ZNF292: variants seen among roughly 807,000 people sequenced by gnomAD.
ZNF292 encodes zinc finger protein 292.
In ZNF292, 26 loss-of-function variants were observed where a neutral mutation model predicts 217.9. That is an observed-to-expected ratio of 0.12 (90% CI 0.09 to 0.17). ZNF292 has a LOEUF of 0.17. Among genes scored for constraint, ZNF292 ranks in the 10% least tolerant of loss-of-function variants. The pLI is 1.00. For synonymous variants in ZNF292, 1,257 were observed against 1,124.1 expected (o/e 1.12, Z -2.37); for missense variants, 2,904 against 3,175.2 (o/e 0.91, Z 2.05).
At chr6:87,250,944 T>C (rs1327631991) in intron 7 of ZNF292, among the ~76,000 whole-genome samples, 1 of 152,172 alleles carries the variant, frequency 6.6e-6, no homozygotes, top group Admixed American at 6.5e-5. Flanking sequence ...GAATATCCAG[T>C]GAGGGTACAT....
At chr6:87,223,637 G>A (rs887334908) in intron 4 of ZNF292, 1 of 152,078 alleles carries the variant, frequency 6.6e-6, no homozygotes, top group Non-Finnish European at 1.5e-5. Context: ...ATTTATATTA[G>A]TATGGCCTTA....
intron 1 of ZNF292, among the ~76,000 whole-genome samples, chr6:87,204,884 G>T (rs1772200770): frequency 6.6e-6 from 1 of 151,928 alleles, no homozygotes; most frequent in African/African-American, 2.4e-5. Flanking sequence ...TTTTTAAATC[G>T]CTGTGTATGT....
rs1685520193 is a variant in ZNF292 at position 87,155,869 on chromosome 6, C to G, written c.168+110C>G. On this transcript the variant is annotated intron_variant, in intron 1 of 7. Coordinates refer to ENST00000369577, the MANE Select transcript of ZNF292 (RefSeq NM_015021.3). ...CGCCGCTTCCTTGGCATCATCGGCG[C>G]CTCCGCCTGGGTGGGAGCGGGAGTA... The G allele has an allele frequency of 1.0e-5, 14 of 1,353,524 alleles. No homozygotes were observed. The East Asian group carries it at 3.6e-4, about 35-fold the overall frequency. The allele number at this position is 1,353,524 out of a possible 1,614,324, so 83.8% of individuals were successfully genotyped here.
intron 7 of ZNF292, among the ~76,000 whole-genome samples, chr6:87,250,026 A>G (rs560791188): frequency 5.8e-5 from 8 of 137,242 alleles, no homozygotes; most frequent in African/African-American, 8.1e-5. Flanking sequence ...TAACCCTTAA[A>G]AAAAAAAAAA....
chr6:87,166,352 A>C (rs1437312409), intron 1 of ZNF292, among the ~76,000 whole-genome samples: 3 of 152,180 alleles, frequency 2.0e-5, no homozygotes, highest in African/African-American at 7.2e-5. Flanking sequence ...TTTGGGTTCA[A>C]CTATGAGCTC....
chr6:87,205,961 A>G (rs1461370537), intron 1 of ZNF292, among the ~76,000 whole-genome samples: 4 of 152,218 alleles, frequency 2.6e-5, no homozygotes, highest in African/African-American at 9.6e-5. Flanking sequence ...ATTATCGCTC[A>G]CTCATCTGAG....
rs1483362356 is a variant in ZNF292, at chr6:87,265,344, T to A, written c.*3543T>A. ...TCCATCTCCCAGGTTCAAGTGATTC[T>A]CCTACCTCAGCCACCCAAGTAGGTG... On this transcript the variant is annotated 3_prime_UTR_variant, in exon 8 of 8. Transcript: ENST00000369577. 6.6e-6 allele frequency among the ~76,000 whole-genome samples: 1 copy of A among 152,102 alleles called. No individual in the cohort carries two copies. Among genetic ancestry groups the A allele is most frequent in the Non-Finnish European group, 1.5e-5 (1 of 68,010 alleles).
At chr6:87,230,908 T>C (rs1206607564) in intron 4 of ZNF292, among the ~76,000 whole-genome samples, 1 of 152,100 alleles carries the variant, frequency 6.6e-6, no homozygotes, top group Non-Finnish European at 1.5e-5. Flanking sequence ...TCTGTGAATA[T>C]AGAGAAAACA....
chr6:87,222,114 C>T (rs1773113250), intron 4 of ZNF292, among the ~76,000 whole-genome samples: 1 of 152,018 alleles, frequency 6.6e-6, no homozygotes. Context: ...TTCTGTCTCC[C>T]CAACTTGTCA....
chr6:87,178,046 C>CTT (rs113770053), intron 1 of ZNF292, among the ~76,000 whole-genome samples: 1 of 151,724 alleles, frequency 6.6e-6, no homozygotes, highest in Non-Finnish European at 1.5e-5. Context: ...TTAGTGTTTT[C>CTT]TTTTTTTTAT....
At position 87,256,933 on chromosome 6, in the gene ZNF292, G is replaced by A. The variant is rs1775255536; in HGVS notation, c.3304G>A (p.Val1102Ile). ...KAPVQKFSCQ[V>I]EGCTRTYNSS... is the part of the protein sequence containing the mutation. ...TCCAGTTCAGAAATTCAGCTGCCAG[G>A]TCGAGGGATGTACTCGAACCTATAA... is the stretch of plus-strand genomic sequence containing the variant. Residue 1102 changes from valine to isoleucine, a missense_variant, in exon 8 of 8, where the codon GTC becomes ATC. Val to Ile is a conservative substitution (Grantham distance 29). Around this residue, in one of 15 missense-constraint regions of ZNF292, gnomAD observed 687 missense variants for 623.0 expected, o/e 1.10. Transcript: ENST00000369577. 6.2e-7 allele frequency: 1 copy of A among 1,613,670 alleles called. No homozygotes were observed. The highest frequency in any genetic ancestry group is 8.5e-7 in the Non-Finnish European group (1 of 1,179,834).
chr6:87,203,989 A>G (rs1471294819), intron 1 of ZNF292, among the ~76,000 whole-genome samples: 1 of 152,198 alleles, frequency 6.6e-6, no homozygotes, highest in Admixed American at 6.5e-5. Context: ...AACATCATCC[A>G]TAATGTGTAC....
chr6:87,165,970 C>G (rs890942795), intron 1 of ZNF292, among the ~76,000 whole-genome samples: 3 of 152,074 alleles, frequency 2.0e-5, no homozygotes, highest in Non-Finnish European at 4.4e-5. Flanking sequence ...GTTGGCCAGG[C>G]TGGTCTCAAA....
At chr6:87,166,581 A>G (rs1770923929) in intron 1 of ZNF292, among the ~76,000 whole-genome samples, 1 of 152,092 alleles carries the variant, frequency 6.6e-6, no homozygotes, top group African/African-American at 2.4e-5. Flanking sequence ...ATGATCACGT[A>G]TTTTCCAAGT....
At chr6:87,216,096 TA>T (rs750973786) in intron 2 of ZNF292, 39 bp downstream of exon 2, 71 of 1,393,318 alleles carry the variant, frequency 5.1e-5, no homozygotes, top group Non-Finnish European at 5.9e-5. Context: ...GATTTAGCTT[TA>T]AAAATACATA....
chr6:87,175,705 A>T (rs926033053), intron 1 of ZNF292, among the ~76,000 whole-genome samples: 2 of 152,298 alleles, frequency 1.3e-5, no homozygotes, highest in Admixed American at 6.5e-5. Context: ...CTGCATAGCA[A>T]CCCAGCAGTT....
Position 87,258,629 on chromosome 6 carries a change from C to T in ZNF292, c.5000C>T (p.Thr1667Ile). The change falls in exon 8 of 8, where the codon ACT becomes ATT. Residue 1667 changes from threonine (T) to isoleucine (I), a missense_variant. Coordinates refer to ENST00000369577, the MANE Select transcript of ZNF292 (RefSeq NM_015021.3). Reference sequence around the variant, plus strand: ...GCAAAGAGTGTTGAAATCCCAACTACTAACCTTCATTCAAATGTAATTCCA... The same window carrying T: ...GCAAAGAGTGTTGAAATCCCAACTATTAACCTTCATTCAAATGTAATTCCA... ...LIAKSVEIPT[T>I]NLHSNVIPTC... The T allele has an allele frequency of 6.2e-7, 1 of 1,613,592 alleles. No homozygotes were observed. Among genetic ancestry groups the T allele is most frequent in the Middle Eastern group, 1.6e-4 (1 of 6,062 alleles).
rs1379680822 is a variant in ZNF292, at chr6:87,260,914, C to T, written c.7285C>T (p.Arg2429Trp). ...QHRNLLIVFK[R>W]CCNSQVKETS... ...CCGAAATCTTCTTATTGTATTCAAA[C>T]GGTGTTGCAACTCACAAGTAAAGGA... The change falls in exon 8 of 8, where the codon CGG (arginine) becomes TGG (tryptophan). Residue 2429 changes from arginine to tryptophan, a missense_variant. Around this residue, in one of 15 missense-constraint regions of ZNF292, gnomAD observed 380 missense variants for 355.3 expected, o/e 1.07. Transcript: ENST00000369577. 4 of 1,610,670 alleles carry T rather than the reference C, an allele frequency of 2.5e-6. No individual in the cohort carries two copies. The highest frequency in any genetic ancestry group is 3.4e-6 in the Non-Finnish European group (4 of 1,178,282).
chr6:87,171,144 T>G (rs1771081695), intron 1 of ZNF292, among the ~76,000 whole-genome samples: 1 of 152,186 alleles, frequency 6.6e-6, no homozygotes. Flanking sequence ...TATAATAATT[T>G]ATAAAAGATA....
Sources: gnomAD v4.1 joint callset for allele counts (sites outside exome capture counted in the v4.1 genomes callset) on GRCh38, gnomAD v4.1.1 for gene constraint, gnomAD v4.1.1 regional missense constraint, MANE v1.5 for transcripts, NCBI Gene and HGNC (gene_info 2026-07-23, HGNC 2026-07-21) for gene names.